The following MTMR10 variants were observed in gnomAD, a reference collection of about 807,000 sequenced individuals.
MTMR10 encodes myotubularin related protein 10.
Under a neutral mutation model 88.1 loss-of-function variants are expected in MTMR10, and 56 were observed. The observed-to-expected ratio is 0.64, with a 90% CI of 0.51 to 0.79. MTMR10 has a LOEUF of 0.79. MTMR10 is among the 30% of genes least tolerant of loss of function. MTMR10 has a pLI of 0.00. For synonymous variants in MTMR10, 380 were observed against 340.9 expected, an observed-to-expected ratio of 1.11 and a Z score of -1.26; for missense variants, 883 against 924.7, an observed-to-expected ratio of 0.95 and a Z score of 0.58.
chr15:30,925,413 C>T, the MTMR10 span: 1 of 990,862 alleles, frequency 1.0e-6, no homozygotes, highest in Non-Finnish European at 1.5e-6. Flanking sequence ...TAATCTAAAA[C>T]TCGTTTTGGA....
At chr15:30,963,644 A>ACAGATAGATAG (rs1566957228) in intron 6 of MTMR10, among the ~76,000 whole-genome samples, 6 of 28,362 alleles carry the variant, frequency 2.1e-4, no homozygotes, top group Admixed American at 1.8e-3. Context: ...CTCAAAAATA[A>ACAGATAGATAG]ATAGACAGAT....
In MTMR10 at chr15:30,940,783, A is replaced by T; in HGVS notation, c.*687T>A. ...CACCCCAATTTTAAAAAGTGAAATTATATTTTCTTCTGTAATATTTGTATC... is the reference window on the plus strand; with the variant it reads ...CACCCCAATTTTAAAAAGTGAAATTTTATTTTCTTCTGTAATATTTGTATC... On this transcript the variant is annotated 3_prime_UTR_variant, in exon 16 of 16. Coordinates refer to ENST00000435680, the MANE Select transcript of MTMR10 (RefSeq NM_017762.3). The T allele has an allele frequency of 1.0e-6, 1 of 986,932 alleles. No homozygotes were observed. The highest frequency in any genetic ancestry group is 1.2e-6 in the Non-Finnish European group (1 of 830,684). 61.1% of individuals were successfully genotyped at this position (986,932 alleles called of 1,614,324 possible).
At chr15:30,922,296 G>A in the MTMR10 span, 1 of 1,614,084 alleles carries the variant, frequency 6.2e-7, no homozygotes, top group Non-Finnish European at 8.5e-7. Context: ...GACAGCAGAG[G>A]CCGATGGTGG....
At chr15:30,989,625 C>T (rs1051283568) in intron 2 of MTMR10, among the ~76,000 whole-genome samples, 2 of 151,772 alleles carry the variant, frequency 1.3e-5, no homozygotes, top group Non-Finnish European at 2.9e-5. Flanking sequence ...CTCTGCCGCC[C>T]AGGCTGGACT....
Position 30,967,913 on chromosome 15 carries a change from T to C in MTMR10, c.565+7A>G. ...TTAGTCACAATATTTAATATTTTCA[T>C]ATTTACCTGAATTGTGGTATTTTTT... On this transcript the variant is annotated splice_region_variant and intron_variant, in intron 6 of 15. Transcript: ENST00000435680. The C allele has an allele frequency of 6.5e-7, 1 of 1,531,428 alleles. No homozygotes were observed. The highest frequency in any genetic ancestry group is 8.9e-7 in the Non-Finnish European group (1 of 1,129,892). The allele number at this position is 1,531,428 out of a possible 1,614,324, so 94.9% of individuals were successfully genotyped here.
chr15:30,928,494 AT>A, the MTMR10 span: 11 of 1,531,220 alleles, frequency 7.2e-6, no homozygotes, highest in African/African-American at 1.5e-5. Context: ...GAAGAAACAG[AT>A]AAAACAGATT....
the MTMR10 span, chr15:30,928,495 T>G: frequency 6.4e-7 from 1 of 1,564,648 alleles, no homozygotes; most frequent in Non-Finnish European, 8.7e-7. Context: ...AAGAAACAGA[T>G]AAAACAGATT....
chr15:30,955,874 T>C (rs190359748), intron 9 of MTMR10, among the ~76,000 whole-genome samples: 286 of 152,202 alleles, frequency 1.9e-3, no homozygotes, highest in African/African-American at 6.7e-3. Context: ...GAGAATGGGC[T>C]ACTATAAATA....
At chr15:30,965,209 T>C (rs2063458937) in intron 6 of MTMR10, among the ~76,000 whole-genome samples, 1 of 152,222 alleles carries the variant, frequency 6.6e-6, no homozygotes, top group African/African-American at 2.4e-5. Flanking sequence ...GTTTAAAAAT[T>C]CCTATACTGT....
chr15:30,932,476 T>C, the MTMR10 span, among the ~76,000 whole-genome samples: 1 of 152,168 alleles, frequency 6.6e-6, no homozygotes, highest in Non-Finnish European at 1.5e-5. Context: ...ATGGAATAGT[T>C]GGTGTAGAAT....
downstream of MTMR10, among the ~76,000 whole-genome samples, chr15:30,934,522 C>T (rs917990495): frequency 2.0e-5 from 3 of 152,074 alleles, no homozygotes; most frequent in Admixed American, 6.6e-5. Context: ...CACAGGTGCA[C>T]GCCACCATGC....
chr15:30,980,980 A>C (rs1183445902), intron 2 of MTMR10, among the ~76,000 whole-genome samples: 1 of 152,260 alleles, frequency 6.6e-6, no homozygotes, highest in Non-Finnish European at 1.5e-5. Flanking sequence ...TCCAATTAAT[A>C]AATGTAGGAG....
At chr15:30,942,327 T>G (rs1256364033) in intron 15 of MTMR10, 1 of 539,084 alleles carries the variant, frequency 1.9e-6, no homozygotes, top group Admixed American at 3.4e-5. Context: ...ATCCACTAAT[T>G]TGCTTAAGGA....
chr15:30,955,236 C>A (rs1160906446), intron 9 of MTMR10, among the ~76,000 whole-genome samples: 4 of 152,200 alleles, frequency 2.6e-5, no homozygotes, highest in African/African-American at 4.8e-5. Flanking sequence ...CTCACTGCCA[C>A]CCCCACGTGC....
chr15:30,984,582 A>G (rs1271434313), intron 2 of MTMR10, among the ~76,000 whole-genome samples: 1 of 152,256 alleles, frequency 6.6e-6, no homozygotes, highest in African/African-American at 2.4e-5. Flanking sequence ...ACAGAAAACA[A>G]GAACAGTACG....
chr15:30,938,390 T>C (rs1020683930), downstream of MTMR10, among the ~76,000 whole-genome samples: 1 of 152,198 alleles, frequency 6.6e-6, no homozygotes, highest in Admixed American at 6.5e-5. Context: ...GTTGTGTTGA[T>C]TTATAACATG....
chr15:30,945,068 CAAGA>C (rs2063150769), intron 14 of MTMR10, among the ~76,000 whole-genome samples: 2 of 151,404 alleles, frequency 1.3e-5, no homozygotes, highest in South Asian at 4.2e-4. Flanking sequence ...ATATTTATCC[CAAGA>C]GAGACCAGAT....
At chr15:30,956,003 T>TG (rs2063322894) in intron 9 of MTMR10, among the ~76,000 whole-genome samples, 1 of 32,358 alleles carries the variant, frequency 3.1e-5, no homozygotes, top group Non-Finnish European at 6.0e-5. Flanking sequence ...CTGCTGTTGT[T>TG]TTTTTTTTTC....
chr15:30,922,480 C>T, the MTMR10 span: 1 of 1,012,654 alleles, frequency 9.9e-7, no homozygotes, highest in Non-Finnish European at 1.4e-6. Flanking sequence ...TAACATTCTT[C>T]TTTTGTCTGT....
Sources: allele counts gnomAD v4.1 joint callset (sites outside exome capture counted in the v4.1 genomes callset), GRCh38; gene constraint gnomAD v4.1.1; transcripts MANE v1.5; gene names NCBI Gene and HGNC (gene_info 2026-07-23, HGNC 2026-07-21).